Variants in OBSL1 observed in about 807,000 individuals in gnomAD.
OBSL1 encodes the protein obscurin like cytoskeletal adaptor 1, also known as obscurin-like protein 1.
A neutral mutation model predicts 172.0 loss-of-function variants in OBSL1; 160 were observed. The ratio of observed to expected loss-of-function variants is 0.93; its 90% CI spans 0.82 to 1.06. OBSL1 has a LOEUF of 1.06. OBSL1 is among the 50% of genes least tolerant of loss of function. The pLI, the probability that OBSL1 is intolerant of heterozygous loss-of-function variation, is 0.00. For missense variants in OBSL1, 2,681 were observed against 2,715.4 expected (o/e 0.99, Z 0.28); for synonymous variants, 1,200 against 1,196.3 (o/e 1.00, Z -0.06).
chr2:219,568,148 G>A lies in OBSL1; in HGVS notation c.1189C>T (p.Leu397Phe), dbSNP rs1249024918. The change falls in exon 2 of 21, where the codon CTC (leucine) becomes TTC (phenylalanine). Residue 397 changes from leucine (L) to phenylalanine (F), a missense_variant. Leu to Phe is a conservative substitution (Grantham distance 22). This residue lies in a region of OBSL1 where 706 missense variants were observed against 695.8 expected (regional missense o/e 1.01). Coordinates refer to ENST00000404537, the MANE Select transcript of OBSL1 (RefSeq NM_015311.3). This position sits in a 1 kb window ranked among gnomAD's most constrained non-coding sequence, Gnocchi z 4.1. ...EQIEEGTVRRLIIHRLKADDD... is the reference protein window; with the variant it reads ...EQIEEGTVRRFIIHRLKADDD... ...TCTGCCTTCAGCCTGTGGATGATGA[G>A]GCGCCGGACAGTGCCCTCTTCGATC... The A allele has an allele frequency of 1.9e-6, 3 of 1,613,740 alleles. No individual in the cohort carries two copies. The East Asian group carries it at 6.7e-5, about 36-fold the overall frequency.
chr2:219,558,149 T>C (rs905728601), intron 10 of OBSL1, 35 bp downstream of exon 10: 1 of 1,610,666 alleles, frequency 6.2e-7, no homozygotes, highest in Non-Finnish European at 8.5e-7. Flanking sequence ...TGCTTGCCCT[T>C]GCCTCCCTGC....
chr2:219,549,993 A>C (rs1411495490), downstream of OBSL1: 22 of 1,195,342 alleles, frequency 1.8e-5, no homozygotes, highest in Non-Finnish European at 2.5e-5. Flanking sequence ...AGAAGGGAGG[A>C]TTGTCTCAGG....
downstream of OBSL1, chr2:219,549,840 C>A (rs1241868773): frequency 6.2e-7 from 1 of 1,614,078 alleles, no homozygotes; most frequent in Admixed American, 1.7e-5. Context: ...CTCAGGCCCC[C>A]CAGTGCGGGT....
chr2:219,565,604 G>T, intron 5 of OBSL1, 90 bp from the exon 6 acceptor site: 1 of 1,355,416 alleles, frequency 7.4e-7, no homozygotes, highest in South Asian at 1.3e-5. Flanking sequence ...GCTGTTGTTG[G>T]GGTTTTTAAA....
rs1289903937 is a variant in OBSL1 at position 219,570,227 on chromosome 2, C to A, written c.1006G>T (p.Val336Leu). ...GQTLSAVQLHVKEPRLRFTRP... is the reference protein window; with the variant it reads ...GQTLSAVQLHLKEPRLRFTRP... Reference sequence around the variant, plus strand: ...GTCCCGGGCTCCGCCGTACCTTTCACGTGCAGCTGCACGGCACTGAGCGTC... The same window carrying A: ...GTCCCGGGCTCCGCCGTACCTTTCAAGTGCAGCTGCACGGCACTGAGCGTC... Residue 336 changes from valine (V) to leucine (L), a missense_variant, in exon 1 of 21, where the codon GTG (valine) becomes TTG (leucine). Val to Leu is a conservative substitution (Grantham distance 32, BLOSUM62 1). Around this residue, in one of 5 missense-constraint regions of OBSL1, gnomAD observed 706 missense variants for 695.8 expected, o/e 1.01. Coordinates refer to ENST00000404537, the MANE Select transcript of OBSL1 (RefSeq NM_015311.3). 1.3e-6 allele frequency: 2 copies of A among 1,556,092 alleles called. No homozygotes were observed. The highest frequency in any genetic ancestry group is 4.5e-5 in the East Asian group (2 of 44,140).
chr2:219,563,664 C>G (rs776728051), intron 6 of OBSL1, 37 bp from the exon 7 acceptor site: 3 of 1,590,304 alleles, frequency 1.9e-6, no homozygotes, highest in African/African-American at 1.3e-5. Context: ...CACAGACACC[C>G]CCGCACAATG....
rs754353021 is a variant in OBSL1 at position 219,558,408 on chromosome 2, A to G, written c.3278T>C (p.Phe1093Ser). 1.7e-5 allele frequency: 27 copies of G among 1,603,582 alleles called. No individual in the cohort carries two copies. The highest frequency in any genetic ancestry group is 2.2e-5 in the Non-Finnish European group (26 of 1,176,334). ...HPAARSLDLH[F>S]GAPGRVELRC... ...CAGCTCCACGCGCCCTGGAGCCCCA[A>G]AATGCAGATCCAGGGAGCGGGCTGC... Residue 1093 changes from phenylalanine (F) to serine (S), a missense_variant, in exon 10 of 21, where the codon TTT becomes TCT. By Grantham distance (155) the Phe-to-Ser change is radical (BLOSUM62 -2). This residue lies in a region of OBSL1 where 1,765 missense variants were observed against 1,748.3 expected (regional missense o/e 1.01). Transcript: ENST00000404537.
At chr2:219,565,179 A>G in intron 6 of OBSL1, 63 bp downstream of exon 6, 1 of 1,511,276 alleles carries the variant, frequency 6.6e-7, no homozygotes, top group South Asian at 1.3e-5. Context: ...ACCAGAGGGC[A>G]TGGCTTATGC....
chr2:219,552,917 G>T lies in OBSL1; in HGVS notation c.5097C>A (p.Ser1699Arg). 1 of 1,539,030 alleles carries T rather than the reference G, an allele frequency of 6.5e-7. No individual in the cohort carries two copies. The highest frequency in any genetic ancestry group is 8.7e-7 in the Non-Finnish European group (1 of 1,144,856). ...RCGPSDAGTYSCAVGTARAGP... is the reference protein window; with the variant it reads ...RCGPSDAGTYRCAVGTARAGP... ...CGGCGCGGGCCGTCCCCACCGCGCA[G>T]CTGTAGGTCCCGGCGTCCGAGGGGC... Residue 1699 changes from serine (S) to arginine (R), a missense_variant, in exon 17 of 21, where the codon AGC becomes AGA. Coordinates refer to ENST00000404537, the MANE Select transcript of OBSL1 (RefSeq NM_015311.3).
Position 219,551,816 on chromosome 2 carries a change from G to C in OBSL1, c.5414-18C>G. The stretch of plus-strand genomic sequence containing the variant: ...AGGCAATGCTGGGGGTAGGGGGCGG[G>C]GGCTTAAGTTAATAGGGACACGCAT... On this transcript the variant is annotated intron_variant, in intron 19 of 20. Transcript: ENST00000404537. 1 of 1,495,542 alleles carries C rather than the reference G, an allele frequency of 6.7e-7. No individual in the cohort carries two copies. Among genetic ancestry groups the C allele is most frequent in the Non-Finnish European group, 9.1e-7 (1 of 1,097,662 alleles). 92.6% of individuals were successfully genotyped at this position (1,495,542 alleles called of 1,614,324 possible). A position where few individuals can be genotyped will look rare whatever the true frequency, so the allele number is the denominator to read the frequency against.
Position 219,556,596 on chromosome 2 carries a change from G to A in OBSL1, c.4194C>T (p.Val1398=), listed in dbSNP as rs772150568. ...TCTCCACCTGGGGCCCTGGAGTGAC[G>A]ACGGCCCCATTGCGCAGCCAGGTGA... ...ADVTWLRNGA[V]VTPGPQVEMA... is the part of the protein sequence containing the mutation. The change falls in exon 13 of 21, where the codon GTC becomes GTT. Residue 1398 remains valine (V), a synonymous_variant. Transcript: ENST00000404537. 8.7e-6 allele frequency: 14 copies of A among 1,613,840 alleles called. No homozygotes were observed. The highest frequency in any genetic ancestry group is 5.5e-5 in the South Asian group (5 of 91,090).
chr2:219,562,686 G>A lies in OBSL1; in HGVS notation c.2681-12C>T. Reference sequence around the variant, plus strand: ...CCACGAGGAGACGTCTGGAGGACAGGGACAGCCACTGCCGGGCATGAGGGG... The same window carrying A: ...CCACGAGGAGACGTCTGGAGGACAGAGACAGCCACTGCCGGGCATGAGGGG... On this transcript the variant is annotated splice_polypyrimidine_tract_variant and intron_variant, in intron 7 of 20. Transcript: ENST00000404537. The A allele has an allele frequency of 2.0e-6, 3 of 1,534,460 alleles. No individual in the cohort carries two copies. Among genetic ancestry groups the A allele is most frequent in the Non-Finnish European group, 1.8e-6 (2 of 1,139,006 alleles).
In OBSL1 at chr2:219,554,679, G is replaced by C. The variant is rs768156238; in HGVS notation, c.4671C>G (p.Ala1557=). Residue 1557 remains alanine (A), a synonymous_variant, in exon 15 of 21, where the codon GCC becomes GCG. Coordinates refer to ENST00000404537, the MANE Select transcript of OBSL1 (RefSeq NM_015311.3). ...CCTGGGACAGCTCCAGCTGGAAGGTGGCACTGCCCCCCTCACTGATGGTCA... is the reference window on the plus strand; with the variant it reads ...CCTGGGACAGCTCCAGCTGGAAGGTCGCACTGCCCCCCTCACTGATGGTCA... ...EDVTISEGGS[A]TFQLELSQEG... is the part of the protein sequence containing the mutation. 4 of 1,595,496 alleles carry C rather than the reference G, an allele frequency of 2.5e-6. No homozygotes were observed. The highest frequency in any genetic ancestry group is 3.4e-6 in the Non-Finnish European group (4 of 1,171,072).
In OBSL1 at chr2:219,554,517, G is replaced by A; in HGVS notation, c.4833C>T (p.Phe1611=). Residue 1611 remains phenylalanine, a synonymous_variant, in exon 15 of 21, where the codon TTC becomes TTT. Coordinates refer to ENST00000404537, the MANE Select transcript of OBSL1 (RefSeq NM_015311.3). The part of the protein sequence containing the change: ...LGLADSGCVS[F]TADSLRCAAR... ...CTGCGCAGCGCAGGGAATCCGCTGT[G>A]AAGGAGACACAGCCTGAGTCGGCCA... 6.2e-7 allele frequency: 1 copy of A among 1,613,412 alleles called. No homozygotes were observed.
At position 219,558,443 on chromosome 2, in the gene OBSL1, A is replaced by G; in HGVS notation, c.3243T>C (p.Ile1081=). ...CCAGGGAGCGGGCTGCCGGGTGCAC[A>G]ATCCTCTCTGGTGGGGCTGGTGGGT... ...TVTVTAPPER[I]VHPAARSLDL... is the part of the protein sequence containing the mutation. The change falls in exon 10 of 21, where the codon ATT becomes ATC. Residue 1081 remains isoleucine (I), a synonymous_variant. Transcript: ENST00000404537. 6.3e-7 allele frequency: 1 copy of G among 1,585,828 alleles called. No homozygotes were observed. The highest frequency in any genetic ancestry group is 8.6e-7 in the Non-Finnish European group (1 of 1,168,110).
intron 8 of OBSL1, among the ~76,000 whole-genome samples, chr2:219,560,470 A>G (rs1231075017): frequency 6.6e-6 from 1 of 152,162 alleles, no homozygotes; most frequent in African/African-American, 2.4e-5. Flanking sequence ...CAGCGCATGG[A>G]GCCCAGGCCT....
In OBSL1 at chr2:219,556,293, C is replaced by G; in HGVS notation, c.4337-1G>C. The G allele has an allele frequency of 6.3e-7, 1 of 1,577,802 alleles. No homozygotes were observed. The highest frequency in any genetic ancestry group is 8.6e-7 in the Non-Finnish European group (1 of 1,158,708). On this transcript the variant is annotated splice_acceptor_variant, in intron 13 of 20. Coordinates refer to ENST00000404537, the MANE Select transcript of OBSL1 (RefSeq NM_015311.3). LOFTEE classifies it high-confidence loss of function. ...CGCCGTAGGAACAGCAGCTCTGTCT[C>G]TGGTGGGGAAGAAGGAGGCCATGGA...
intron 5 of OBSL1, 92 bp from the exon 6 acceptor site, chr2:219,565,606 G>T: frequency 7.4e-7 from 1 of 1,347,590 alleles, no homozygotes; most frequent in South Asian, 1.3e-5. Flanking sequence ...TGTTGTTGGG[G>T]TTTTTAAAAA....
At chr2:219,552,733 A>T (rs912592664) in intron 17 of OBSL1, 36 bp from the exon 18 acceptor site, 2 of 1,514,242 alleles carry the variant, frequency 1.3e-6, no homozygotes, top group Non-Finnish European at 1.8e-6. Context: ...GGGGCGGGGC[A>T]GAGGGCAGTT....
Sources: allele counts gnomAD v4.1 joint callset (sites outside exome capture counted in the v4.1 genomes callset), GRCh38; gene constraint gnomAD v4.1.1; regional missense constraint gnomAD v4.1.1; non-coding constraint Gnocchi (gnomAD v3.1); transcripts MANE v1.5; gene names NCBI Gene and HGNC (gene_info 2026-07-23, HGNC 2026-07-21).